KCTD16: variants seen among roughly 807,000 people sequenced by gnomAD.
The protein encoded by KCTD16 is BTB/POZ domain-containing protein KCTD16.
In KCTD16, 13 loss-of-function variants were observed where a neutral mutation model predicts 33.2. That is an observed-to-expected ratio of 0.39 (90% confidence interval 0.25 to 0.62). The LOEUF (loss-of-function observed/expected upper bound fraction) is 0.62. Among genes scored for constraint, KCTD16 ranks in the 20% least tolerant of loss-of-function variants. The pLI is 0.50. For synonymous variants in KCTD16, 197 were observed against 195.3 expected, an observed-to-expected ratio of 1.01 and a Z score of -0.07; for missense variants, 441 against 525.1, an observed-to-expected ratio of 0.84 and a Z score of 1.57.
chr5:144,196,725 T>A (rs1752946482), intron 2 of KCTD16, among the ~76,000 whole-genome samples: 1 of 152,230 alleles, frequency 6.6e-6, no homozygotes, highest in South Asian at 2.1e-4. Context: ...TTTTTCCTGA[T>A]GAATGGCAAC....
intron 3 of KCTD16, among the ~76,000 whole-genome samples, chr5:144,306,514 C>T (rs1434203084): frequency 6.6e-6 from 1 of 152,254 alleles, no homozygotes; most frequent in Non-Finnish European, 1.5e-5. Context: ...ACACATCCCA[C>T]TTTATGCCAG....
At chr5:144,204,880 T>TA (rs552300942) in intron 2 of KCTD16, among the ~76,000 whole-genome samples, 11 of 151,490 alleles carry the variant, frequency 7.3e-5, no homozygotes, top group Non-Finnish European at 7.4e-5. Context: ...ATCAAAGGAT[T>TA]AAAAAAAACA....
rs746723220 is a variant in KCTD16, at chr5:144,477,573, G to A, written c.*3459G>A. The A allele has an allele frequency of 3.9e-5, 6 of 152,026 alleles. No homozygotes were observed. The highest frequency in any genetic ancestry group is 4.8e-5 in the African/African-American group (2 of 41,394). The allele number at this position is 152,026 out of a possible 1,614,324, so 9.4% of individuals were successfully genotyped here. On this transcript the variant is annotated 3_prime_UTR_variant, in exon 4 of 4. Coordinates refer to ENST00000512467, the MANE Select transcript of KCTD16 (RefSeq NM_020768.4). ...TGTTCTGGGCCCCATTACTGCCTGC[G>A]CTTCTGGATTACTTTTGCTTTCCTG...
intron 3 of KCTD16, among the ~76,000 whole-genome samples, chr5:144,338,948 T>G (rs1752560105): frequency 6.6e-6 from 1 of 152,216 alleles, no homozygotes; most frequent in South Asian, 2.1e-4. Context: ...AAAAAAGATG[T>G]TAGCATTGTG....
intron 3 of KCTD16, among the ~76,000 whole-genome samples, chr5:144,472,635 T>G (rs1374549193): frequency 6.6e-6 from 1 of 152,204 alleles, no homozygotes; most frequent in Non-Finnish European, 1.5e-5. Context: ...ATTTCTACAT[T>G]GTTCCTTGGC....
At chr5:144,366,531 G>A (rs892689102) in intron 3 of KCTD16, among the ~76,000 whole-genome samples, 3 of 152,150 alleles carry the variant, frequency 2.0e-5, no homozygotes, top group Admixed American at 6.6e-5. Flanking sequence ...AAAACCTGGA[G>A]TAATGACCCA....
At chr5:144,352,097 C>T (rs1751454044) in intron 3 of KCTD16, among the ~76,000 whole-genome samples, 1 of 152,156 alleles carries the variant, frequency 6.6e-6, no homozygotes, top group African/African-American at 2.4e-5. Flanking sequence ...AGCTATCTCA[C>T]AATGTATACA....
At chr5:144,393,911 T>C (rs542718025) in intron 3 of KCTD16, among the ~76,000 whole-genome samples, 14 of 152,204 alleles carry the variant, frequency 9.2e-5, no homozygotes, top group Admixed American at 8.5e-4. Flanking sequence ...AATTTTATTA[T>C]TTTTTTCATG....
rs566116211 is a variant in KCTD16, at chr5:144,364,046, T to C, written c.833-109614T>C. 8.1e-4 allele frequency among the ~76,000 whole-genome samples: 123 copies of C among 152,334 alleles called. 1 individual carries two copies. Among genetic ancestry groups the C allele is most frequent in the African/African-American group, 2.9e-3 (121 of 41,574 alleles). On this transcript the variant is annotated intron_variant, in intron 3 of 3. Transcript: ENST00000512467. ...AAGGGACTTTTTAATGTTTGTTAGATGGTTGCATTCTTAAGTCCTTTGTTC... is the reference window on the plus strand; with the variant it reads ...AAGGGACTTTTTAATGTTTGTTAGACGGTTGCATTCTTAAGTCCTTTGTTC...
At chr5:144,260,110 G>C (rs1754965301) in intron 3 of KCTD16, among the ~76,000 whole-genome samples, 1 of 152,236 alleles carries the variant, frequency 6.6e-6, no homozygotes, top group Admixed American at 6.5e-5. Context: ...GGAAATAAGA[G>C]ATAGAGCAAT....
intron 3 of KCTD16, among the ~76,000 whole-genome samples, chr5:144,410,774 G>C (rs946479085): frequency 9.9e-5 from 15 of 152,256 alleles, no homozygotes; most frequent in African/African-American, 3.6e-4. Context: ...CTGAAGGTTT[G>C]ATTATGTCTA....
At chr5:144,452,773 T>TA (rs34403827) in intron 3 of KCTD16, among the ~76,000 whole-genome samples, 5,356 of 109,090 alleles carry the variant, frequency 0.049, 119 homozygotes, top group Middle Eastern at 0.089. Context: ...CAAGCAAGAA[T>TA]AAAAAAAAAA....
At chr5:144,440,307 A>T (rs1242972895) in intron 3 of KCTD16, among the ~76,000 whole-genome samples, 1 of 152,172 alleles carries the variant, frequency 6.6e-6, no homozygotes, top group Non-Finnish European at 1.5e-5. Context: ...ACAATTCACT[A>T]TGCGCCATCG....
chr5:144,425,259 A>G (rs1753299769), intron 3 of KCTD16, among the ~76,000 whole-genome samples: 1 of 152,118 alleles, frequency 6.6e-6, no homozygotes, highest in South Asian at 2.1e-4. Flanking sequence ...CAAGAAATCT[A>G]AAGCTAGAGA....
intron 3 of KCTD16, among the ~76,000 whole-genome samples, chr5:144,240,619 A>G (rs929863585): frequency 6.6e-5 from 10 of 152,264 alleles, no homozygotes; most frequent in African/African-American, 2.4e-4. Context: ...TCTTTCTGTT[A>G]GAAAGTCCTG....
chr5:144,250,746 A>T lies in KCTD16; in HGVS notation c.832+43200A>T, dbSNP rs565951158. Among the ~76,000 whole-genome samples the T allele has an allele frequency of 1.9e-4, 29 of 152,252 alleles. No homozygotes were observed. In the East Asian group the frequency reaches 5.0e-3, roughly 26 times the overall value. ...TTGGATAAGATATTTAACCTTGCTA[A>T]GCCTTTGTTTCATTTCATAACATTG... On this transcript the variant is annotated intron_variant, in intron 3 of 3. Coordinates refer to ENST00000512467, the MANE Select transcript of KCTD16 (RefSeq NM_020768.4).
chr5:144,305,213 C>A (rs560397062), intron 3 of KCTD16, among the ~76,000 whole-genome samples: 6 of 152,090 alleles, frequency 3.9e-5, no homozygotes, highest in African/African-American at 1.2e-4. Context: ...CACCTCAATC[C>A]AATGAACTGT....
intron 3 of KCTD16, among the ~76,000 whole-genome samples, chr5:144,433,306 T>G (rs1320025549): frequency 6.6e-6 from 1 of 152,158 alleles, no homozygotes; most frequent in Admixed American, 6.6e-5. Context: ...AAACTGCAAC[T>G]GATGGTCATC....
chr5:144,378,306 T>G (rs772015262), intron 3 of KCTD16, among the ~76,000 whole-genome samples: 8 of 152,182 alleles, frequency 5.3e-5, no homozygotes, highest in Non-Finnish European at 1.0e-4. Flanking sequence ...ATTAGACTAA[T>G]ATGTATATGA....
Sources: gnomAD v4.1 joint callset for allele counts (sites outside exome capture counted in the v4.1 genomes callset) on GRCh38, gnomAD v4.1.1 for gene constraint, MANE v1.5 for transcripts, NCBI Gene and HGNC (gene_info 2026-07-23, HGNC 2026-07-21) for gene names.